BTN3A3: variants seen among roughly 807,000 people sequenced by gnomAD.
The protein encoded by BTN3A3 is butyrophilin 3.
A neutral mutation model predicts 43.2 loss-of-function variants in BTN3A3; 39 were observed. That is an observed-to-expected ratio of 0.90 (90% CI 0.70 to 1.18). The LOEUF (loss-of-function observed/expected upper bound fraction) is 1.18, where lower values mean the gene tolerates loss of function less well. Ranked by LOEUF, BTN3A3 falls within the 50% of genes most tolerant of loss-of-function variation. The pLI, the probability that BTN3A3 is intolerant of heterozygous loss-of-function variation, is 0.00. For synonymous variants in BTN3A3, 255 were observed against 272.7 expected, an observed-to-expected ratio of 0.93 and a Z score of 0.64; for missense variants, 631 against 722.8, an observed-to-expected ratio of 0.87 and a Z score of 1.46.
Position 26,440,651 on chromosome 6 carries a change from AAGTG to A in BTN3A3, c.-67+4_-67+7del, listed in dbSNP as rs764994562. 2.6e-5 allele frequency: 4 copies of A among 152,324 alleles called. No individual in the cohort carries two copies. Among genetic ancestry groups the A allele is most frequent in the Non-Finnish European group, 4.4e-5 (3 of 68,054 alleles). 9.4% of individuals were successfully genotyped at this position (152,324 alleles called of 1,614,324 possible). On this transcript the variant is annotated splice_donor_5th_base_variant and intron_variant, in intron 1 of 10. Transcript: ENST00000244519. ...TTTTCAGAGGGGAATACTAAGAAGT[AAGTG>A]GGGAATGTTGATTAGAGCCTGGGCT...
chr6:26,445,553 A>T, intron 4 of BTN3A3, 151 bp from the exon 5 acceptor site: 1 of 955,254 alleles, frequency 1.0e-6, no homozygotes, highest in Non-Finnish European at 1.5e-6. Context: ...TAGCCCATTT[A>T]GTTTTCTTTT....
In BTN3A3 at chr6:26,442,058, C is replaced by T. The variant is rs190068736; in HGVS notation, c.-66-1324C>T. 3.3e-5 allele frequency among the ~76,000 whole-genome samples: 5 copies of T among 152,230 alleles called. No individual in the cohort carries two copies. The East Asian group carries it at 7.7e-4, about 23-fold the overall frequency. On this transcript the variant is annotated intron_variant, in intron 1 of 10. Coordinates refer to ENST00000244519, the MANE Select transcript of BTN3A3 (RefSeq NM_006994.5). The stretch of plus-strand genomic sequence containing the variant: ...ATTTAGTCTGGGTCAGTGCAAGATC[C>T]AGGCGAGGGTGGAGGATGGCCGGCT...
chr6:26,450,166 C>T (rs774034808), intron 10 of BTN3A3, 33 bp downstream of exon 10: 27 of 1,605,748 alleles, frequency 1.7e-5, no homozygotes, highest in Non-Finnish European at 2.2e-5. Context: ...CCTGGATCAA[C>T]AACCTGAGGG....
Position 26,451,972 on chromosome 6 carries a change from G to T in BTN3A3, c.1316G>T (p.Gly439Val). The change falls in exon 11 of 11, where the codon GGG (glycine) becomes GTG (valine). Residue 439 changes from glycine to valine, a missense_variant. This residue lies in a region of BTN3A3 where 551 missense variants were observed against 584.0 expected (regional missense o/e 0.94). Coordinates refer to ENST00000244519, the MANE Select transcript of BTN3A3 (RefSeq NM_006994.5). The stretch of plus-strand genomic sequence containing the variant: ...TACTGGACTATGGGCCTGACTGATG[G>T]GAATAAGTATCGGGCTCTCACTGAG... ...NGYWTMGLTD[G>V]NKYRALTEPR... The T allele has an allele frequency of 6.2e-7, 1 of 1,614,106 alleles. No homozygotes were observed. Among genetic ancestry groups the T allele is most frequent in the Non-Finnish European group, 8.5e-7 (1 of 1,180,012 alleles).
Position 26,452,439 on chromosome 6 carries a change from T to A in BTN3A3, c.*28T>A, listed in dbSNP as rs771257339. ...TTCATTCCATTATTCCATATGACAG[T>A]TGTTTTGAGTTTCGTACCACCTTAT... On this transcript the variant is annotated 3_prime_UTR_variant, in exon 11 of 11. Transcript: ENST00000244519. 6 of 1,549,130 alleles carry A rather than the reference T, an allele frequency of 3.9e-6. No homozygotes were observed. Among genetic ancestry groups the A allele is most frequent in the Non-Finnish European group, 5.2e-6 (6 of 1,151,822 alleles).
At position 26,448,749 on chromosome 6, in the gene BTN3A3, T is replaced by G. The variant is rs140111422; in HGVS notation, c.959T>G (p.Met320Arg). The G allele has an allele frequency of 5.6e-6, 9 of 1,613,826 alleles. No homozygotes were observed. In the African/African-American group the frequency reaches 1.2e-4, roughly 22 times the overall value. Residue 320 changes from methionine (M) to arginine (R), a missense_variant, in exon 8 of 11, where the codon ATG (methionine) becomes AGG (arginine). By Grantham distance (91) the Met-to-Arg change is moderately conservative. Around this residue, in one of 2 missense-constraint regions of BTN3A3, gnomAD observed 551 missense variants for 584.0 expected, o/e 0.94. Coordinates refer to ENST00000244519, the MANE Select transcript of BTN3A3 (RefSeq NM_006994.5). ...GCAGAGTGGAGGAAAATCCAGTACA[T>G]GGCTCGTGAGTGACTCTGACATTTT... ...EELKWRKIQY[M>R]ARGEKSLAYH...
chr6:26,450,841 G>A (rs1364358529), intron 10 of BTN3A3, among the ~76,000 whole-genome samples: 1 of 152,150 alleles, frequency 6.6e-6, no homozygotes, highest in South Asian at 2.1e-4. Context: ...CAAAAGAGAG[G>A]GCTCCCTGAG....
At position 26,450,135 on chromosome 6, in the gene BTN3A3, T is replaced by A. The variant is rs1163883225; in HGVS notation, c.1018+2T>A. The stretch of plus-strand genomic sequence containing the variant: ...GGAAAATGGCCCTCTTCAAACCTGG[T>A]GAGTAAATCACTGTATGTTCCCTGG... On this transcript the variant is annotated splice_donor_variant, in intron 10 of 10. Coordinates refer to ENST00000244519, the MANE Select transcript of BTN3A3 (RefSeq NM_006994.5). LOFTEE classifies it high-confidence loss of function. 7 of 1,613,068 alleles carry A rather than the reference T, an allele frequency of 4.3e-6. No individual in the cohort carries two copies. The highest frequency in any genetic ancestry group is 5.9e-6 in the Non-Finnish European group (7 of 1,179,034).
chr6:26,452,975 G>A lies in BTN3A3; in HGVS notation c.*564G>A, dbSNP rs1421578931. On this transcript the variant is annotated 3_prime_UTR_variant, in exon 11 of 11. Coordinates refer to ENST00000244519, the MANE Select transcript of BTN3A3 (RefSeq NM_006994.5). ...TAGCTCTGCAGAGTGTCTTGGTTGA[G>A]AGAATAACCTCATAGTACCAACATG... is the stretch of plus-strand genomic sequence containing the variant. 6.5e-6 allele frequency: 1 copy of A among 154,224 alleles called. No individual in the cohort carries two copies. The highest frequency in any genetic ancestry group is 6.3e-5 in the Admixed American group (1 of 15,756). 9.6% of individuals were successfully genotyped at this position (154,224 alleles called of 1,614,324 possible). A position where few individuals can be genotyped will look rare whatever the true frequency, so the allele number is the denominator to read the frequency against.
Position 26,444,303 on chromosome 6 carries a change from A to C in BTN3A3, c.432A>C (p.Ala144=), listed in dbSNP as rs1023169451. The change falls in exon 4 of 11, where the codon GCA becomes GCC. Residue 144 remains alanine (A), a splice_region_variant and synonymous_variant. Transcript: ENST00000244519. ...YEKALVELKV[A]ALGSDLHIEV... is the part of the protein sequence containing the mutation. ...AAGCCCTGGTGGAGCTGAAGGTTGC[A>C]GGTGAGCCTCCAGGTTTTGTTCTGA... 2.5e-6 allele frequency: 4 copies of C among 1,611,942 alleles called. No individual in the cohort carries two copies. The African/African-American group carries it at 5.3e-5, about 22-fold the overall frequency.
Position 26,444,061 on chromosome 6 carries a change from G to T in BTN3A3, c.190G>T (p.Glu64Ter), listed in dbSNP as rs755160318. The T allele has an allele frequency of 1.7e-5, 28 of 1,613,880 alleles. No individual in the cohort carries two copies. The highest frequency in any genetic ancestry group is 2.2e-5 in the Non-Finnish European group (26 of 1,179,878). ...LFPTMSAETM[E>*]LRWVSSSLRQ... Reference sequence around the variant, plus strand: ...CCCGACCATGAGTGCAGAGACCATGGAGCTGAGGTGGGTGAGTTCCAGCCT... The same window carrying T: ...CCCGACCATGAGTGCAGAGACCATGTAGCTGAGGTGGGTGAGTTCCAGCCT... Residue 64 changes from glutamate to a stop codon, truncating the protein, a stop_gained, in exon 4 of 11, where the codon GAG (glutamate) becomes TAG (stop). Transcript: ENST00000244519. LOFTEE classifies it high-confidence loss of function.
At chr6:26,450,237 A>G in intron 10 of BTN3A3, 104 bp downstream of exon 10, 3 of 1,418,318 alleles carry the variant, frequency 2.1e-6, no homozygotes, top group Non-Finnish European at 2.9e-6. Context: ...TCCCTTGACT[A>G]AGAAAGTTTG....
chr6:26,447,846 C>A (rs148414611), intron 5 of BTN3A3, among the ~76,000 whole-genome samples: 97 of 152,156 alleles, frequency 6.4e-4, no homozygotes, highest in African/African-American at 2.2e-3. Context: ...AGTTTATGTC[C>A]CTAAGCATCA....
chr6:26,448,290 C>A lies in BTN3A3; in HGVS notation c.758C>A (p.Ala253Glu). ...RSAQPWIAAL[A>E]GTLPISLLLL... ...GCCCAGCCCTGGATCGCGGCCCTGG[C>A]AGGGACCCTGCCTATCTCGTTGCTG... The change falls in exon 6 of 11, where the codon GCA (alanine) becomes GAA (glutamate). Residue 253 changes from alanine (A) to glutamate (E), a missense_variant. Ala to Glu is a moderately radical substitution (Grantham distance 107, BLOSUM62 -1). Around this residue, in one of 2 missense-constraint regions of BTN3A3, gnomAD observed 551 missense variants for 584.0 expected, o/e 0.94. Coordinates refer to ENST00000244519, the MANE Select transcript of BTN3A3 (RefSeq NM_006994.5). 6.2e-7 allele frequency: 1 copy of A among 1,613,750 alleles called. No homozygotes were observed. Among genetic ancestry groups the A allele is most frequent in the East Asian group, 2.2e-5 (1 of 44,864 alleles).
At chr6:26,449,956 C>T (rs1443414394) in intron 9 of BTN3A3, 151 bp from the exon 10 acceptor site, 1 of 966,888 alleles carries the variant, frequency 1.0e-6, no homozygotes, top group Non-Finnish European at 1.6e-6. Context: ...GAAGGTGCCA[C>T]CTCTGATCTA....
chr6:26,448,682 C>T, intron 7 of BTN3A3, 45 bp downstream of exon 7: 1 of 1,614,002 alleles, frequency 6.2e-7, no homozygotes, highest in Middle Eastern at 1.6e-4. Flanking sequence ...CTTCTTATCC[C>T]CACTTTGAGC....
Position 26,445,982 on chromosome 6 carries a change from G to A in BTN3A3, c.712G>A (p.Ala238Thr), listed in dbSNP as rs986547716. 7.4e-6 allele frequency: 12 copies of A among 1,613,992 alleles called. No individual in the cohort carries two copies. Among genetic ancestry groups the A allele is most frequent in the Middle Eastern group, 1.6e-4 (1 of 6,084 alleles). Residue 238 changes from alanine to threonine, a missense_variant, in exon 5 of 11, where the codon GCA becomes ACA. By Grantham distance (58) the Ala-to-Thr change is moderately conservative. Coordinates refer to ENST00000244519, the MANE Select transcript of BTN3A3 (RefSeq NM_006994.5). The part of the protein sequence containing the change: ...GLEKTASISI[A>T]DPFFRSAQPW... ...GGAAAAGACAGCCAGCATATCCATC[G>A]CAGGTCAGTACCCTGCTTGGCCTCA... is the stretch of plus-strand genomic sequence containing the variant.
At chr6:26,451,197 C>T (rs1391491517) in intron 10 of BTN3A3, among the ~76,000 whole-genome samples, 2 of 152,148 alleles carry the variant, frequency 1.3e-5, no homozygotes, top group Non-Finnish European at 2.9e-5. Flanking sequence ...CCCTATACTA[C>T]GCTAGAGAGT....
intron 1 of BTN3A3, among the ~76,000 whole-genome samples, chr6:26,442,473 T>C (rs752243938): frequency 2.6e-5 from 4 of 152,224 alleles, no homozygotes; most frequent in African/African-American, 9.6e-5. Flanking sequence ...AATGTATAGC[T>C]TTGTTTTTGT....
Sources: allele counts gnomAD v4.1 joint callset (sites outside exome capture counted in the v4.1 genomes callset), GRCh38; gene constraint gnomAD v4.1.1; regional missense constraint gnomAD v4.1.1; transcripts MANE v1.5; gene names NCBI Gene and HGNC (gene_info 2026-07-23, HGNC 2026-07-21).